Variants in THEMIS observed in about 807,000 individuals in gnomAD.
THEMIS encodes protein THEMIS.
THEMIS carries 37 observed loss-of-function variants against 52.6 expected under a neutral mutation model. That is an observed-to-expected ratio of 0.70 (90% CI 0.54 to 0.93). THEMIS has a LOEUF of 0.93. THEMIS is among the 40% of genes least tolerant of loss of function. The pLI is 0.00. For missense variants in THEMIS, 808 were observed against 763.1 expected, an observed-to-expected ratio of 1.06 and a Z score of -0.69; for synonymous variants, 292 against 272.7, an observed-to-expected ratio of 1.07 and a Z score of -0.70.
At chr6:127,904,922 G>A (rs561375532), upstream of THEMIS, among the ~76,000 whole-genome samples, 25 of 151,968 alleles carry the variant, frequency 1.6e-4, no homozygotes, top group African/African-American at 5.8e-4. Flanking sequence ...AAATGGGAGC[G>A]TAGGAAATAT....
intron 4 of THEMIS, among the ~76,000 whole-genome samples, chr6:127,763,263 T>C (rs1202292037): frequency 6.6e-6 from 1 of 152,018 alleles, no homozygotes; most frequent in Non-Finnish European, 1.5e-5. Flanking sequence ...AAAATAGTCT[T>C]GATCCTCACT....
At chr6:127,779,201 T>G (rs1415347524) in intron 4 of THEMIS, among the ~76,000 whole-genome samples, 1 of 152,164 alleles carries the variant, frequency 6.6e-6, no homozygotes, top group Non-Finnish European at 1.5e-5. Context: ...ACTTTTGACT[T>G]TATCATCTTT....
At chr6:127,830,336 T>C (rs1482334756) in intron 2 of THEMIS, among the ~76,000 whole-genome samples, 1 of 152,202 alleles carries the variant, frequency 6.6e-6, no homozygotes, top group Non-Finnish European at 1.5e-5. Context: ...TTTTTATGAA[T>C]ATATTCTCTA....
chr6:127,826,366 T>C (rs961048405), intron 3 of THEMIS, among the ~76,000 whole-genome samples: 3 of 152,204 alleles, frequency 2.0e-5, no homozygotes, highest in Admixed American at 2.0e-4. Flanking sequence ...AAGTGTTATT[T>C]TTCTGCTATT....
At chr6:127,712,748 T>C (rs1774026342) in intron 5 of THEMIS, among the ~76,000 whole-genome samples, 1 of 150,552 alleles carries the variant, frequency 6.6e-6, no homozygotes, top group Non-Finnish European at 1.5e-5. Context: ...AAATACAGGC[T>C]AAATAAGTGT....
downstream of THEMIS, among the ~76,000 whole-genome samples, chr6:127,704,894 G>T (rs1242757482): frequency 6.6e-6 from 1 of 152,152 alleles, no homozygotes; most frequent in Non-Finnish European, 1.5e-5. Flanking sequence ...TTCATGTATG[G>T]GTCAACTTAG....
intron 4 of THEMIS, among the ~76,000 whole-genome samples, chr6:127,799,494 T>C (rs929488883): frequency 5.3e-5 from 8 of 152,284 alleles, no homozygotes; most frequent in African/African-American, 1.9e-4. Context: ...AGATAAGAAA[T>C]GAGAACCCCA....
At chr6:127,869,455 C>T (rs1423116101) in intron 1 of THEMIS, among the ~76,000 whole-genome samples, 1 of 152,186 alleles carries the variant, frequency 6.6e-6, no homozygotes. Context: ...TATCACACTA[C>T]ATATTGTGGG....
At chr6:127,890,426 C>A (rs1477095057) in intron 1 of THEMIS, among the ~76,000 whole-genome samples, 1 of 151,878 alleles carries the variant, frequency 6.6e-6, no homozygotes, top group Non-Finnish European at 1.5e-5. Context: ...TTACCAGAGG[C>A]TAGAAAGGGT....
chr6:127,766,155 A>T (rs907236641), intron 4 of THEMIS, among the ~76,000 whole-genome samples: 2 of 152,134 alleles, frequency 1.3e-5, no homozygotes, highest in African/African-American at 4.8e-5. Flanking sequence ...TTAATATCAC[A>T]ATTCTAACAA....
At chr6:127,914,402 C>T (rs1208312526) in intron 1 of THEMIS, among the ~76,000 whole-genome samples, 1 of 152,188 alleles carries the variant, frequency 6.6e-6, no homozygotes, top group African/African-American at 2.4e-5. Flanking sequence ...TCATGTGTCA[C>T]TTAACAATGA....
intron 4 of THEMIS, among the ~76,000 whole-genome samples, chr6:127,769,772 C>A (rs966487100): frequency 1.3e-5 from 2 of 152,108 alleles, no homozygotes; most frequent in Non-Finnish European, 2.9e-5. Flanking sequence ...GACGCTACCC[C>A]TCCCCCATCC....
At chr6:127,706,465 T>A (rs548335386), downstream of THEMIS, among the ~76,000 whole-genome samples, 5 of 152,096 alleles carry the variant, frequency 3.3e-5, no homozygotes, top group Non-Finnish European at 7.4e-5. Flanking sequence ...GTTCTCATAT[T>A]CCTAACTTTA....
intron 4 of THEMIS, among the ~76,000 whole-genome samples, chr6:127,725,336 AGAG>A (rs1349669548): frequency 2.0e-5 from 3 of 152,118 alleles, no homozygotes; most frequent in African/African-American, 4.8e-5. Flanking sequence ...CATAAATAAA[AGAG>A]AATAAAAATC....
chr6:127,717,592 G>C (rs960126106), intron 5 of THEMIS, among the ~76,000 whole-genome samples: 3 of 151,768 alleles, frequency 2.0e-5, no homozygotes, highest in Admixed American at 6.6e-5. Context: ...CCTGAGTGAG[G>C]TTTTACCGTA....
At chr6:127,884,871 C>A (rs1246921745) in intron 1 of THEMIS, among the ~76,000 whole-genome samples, 1 of 152,162 alleles carries the variant, frequency 6.6e-6, no homozygotes, top group Admixed American at 6.5e-5. Context: ...CTCACCTGGC[C>A]TCACATGGCC....
At chr6:127,713,783 A>G (rs973090478) in intron 5 of THEMIS, among the ~76,000 whole-genome samples, 1 of 151,860 alleles carries the variant, frequency 6.6e-6, no homozygotes, top group East Asian at 1.9e-4. Flanking sequence ...CTATGAGGCC[A>G]ACATATCCAG....
At chr6:127,848,896 G>A (rs958522484) in intron 2 of THEMIS, among the ~76,000 whole-genome samples, 5 of 152,088 alleles carry the variant, frequency 3.3e-5, no homozygotes, top group African/African-American at 1.2e-4. Context: ...TCTGATGGTA[G>A]TTTCTTTTGC....
At chr6:127,714,185 C>T (rs541068979) in intron 5 of THEMIS, among the ~76,000 whole-genome samples, 62 of 151,932 alleles carry the variant, frequency 4.1e-4, no homozygotes, top group African/African-American at 1.3e-3. Context: ...AGCAGACTCA[C>T]CTGAGATACA....
Sources: allele counts gnomAD v4.1 joint callset (sites outside exome capture counted in the v4.1 genomes callset), GRCh38; gene constraint gnomAD v4.1.1; transcripts MANE v1.5; gene names NCBI Gene and HGNC (gene_info 2026-07-23, HGNC 2026-07-21).